RABGAP1L: variants seen among roughly 807,000 people sequenced by gnomAD.
RABGAP1L encodes RAB GTPase activating protein 1 like.
In RABGAP1L, 63 loss-of-function variants were observed where a neutral mutation model predicts 137.7. The ratio of observed to expected loss-of-function variants is 0.46; its 90% CI spans 0.37 to 0.56. RABGAP1L has a LOEUF of 0.56. Ranked by LOEUF, RABGAP1L falls within the 20% of genes least tolerant of loss-of-function variation. The pLI is 0.00. For synonymous variants in RABGAP1L, 431 were observed against 433.7 expected (o/e 0.99, Z 0.08); for missense variants, 1,095 against 1,244.0 (o/e 0.88, Z 1.80).
Position 174,714,976 on chromosome 1 carries a change from C to A in RABGAP1L, c.2169+12720C>A, listed in dbSNP as rs561285579. On this transcript the variant is annotated intron_variant, in intron 17 of 25. Transcript: ENST00000681986. ...CAAGACAAGCTATATATTAGCTTGGCATAGGAATTTAATTAGAGTGGAGCA... is the reference window on the plus strand; with the variant it reads ...CAAGACAAGCTATATATTAGCTTGGAATAGGAATTTAATTAGAGTGGAGCA... 2.5e-4 allele frequency among the ~76,000 whole-genome samples: 38 copies of A among 152,186 alleles called. 1 individual carries two copies. In the South Asian group the frequency reaches 7.9e-3, roughly 32 times the overall value.
chr1:174,958,487 AG>A (rs1162917531), intron 20 of RABGAP1L, among the ~76,000 whole-genome samples: 1 of 152,234 alleles, frequency 6.6e-6, no homozygotes, highest in African/African-American at 2.4e-5. Flanking sequence ...CTAAGATAAA[AG>A]AATACTGTAT....
At chr1:174,187,490 T>C (rs564587830) in intron 1 of RABGAP1L, among the ~76,000 whole-genome samples, 2 of 152,206 alleles carry the variant, frequency 1.3e-5, no homozygotes, top group East Asian at 3.9e-4. Context: ...GTGGGGGGCA[T>C]TACTTAGTAA....
At chr1:174,598,597 C>T (rs939168737) in intron 13 of RABGAP1L, among the ~76,000 whole-genome samples, 4 of 152,128 alleles carry the variant, frequency 2.6e-5, no homozygotes, top group Non-Finnish European at 5.9e-5. Context: ...AGTGTTGATG[C>T]ATATAAATTT....
At chr1:174,717,349 CAGTGAGCTATGAT>C (rs1681104448) in intron 17 of RABGAP1L, among the ~76,000 whole-genome samples, 1 of 152,112 alleles carries the variant, frequency 6.6e-6, no homozygotes, top group Non-Finnish European at 1.5e-5. Context: ...TTTGAGGCTA[CAGTGAGCTATGAT>C]AGCGCCACTG....
intron 14 of RABGAP1L, among the ~76,000 whole-genome samples, chr1:174,653,472 G>A (rs1675716604): frequency 6.6e-6 from 1 of 152,186 alleles, no homozygotes; most frequent in Non-Finnish European, 1.5e-5. Flanking sequence ...CATGGGAAAA[G>A]TGTCATATCT....
intron 13 of RABGAP1L, among the ~76,000 whole-genome samples, chr1:174,621,674 C>A (rs1672484343): frequency 6.6e-6 from 1 of 152,120 alleles, no homozygotes; most frequent in Non-Finnish European, 1.5e-5. Context: ...AACTGGATCC[C>A]TTCCTTACAC....
intron 19 of RABGAP1L, among the ~76,000 whole-genome samples, chr1:174,943,743 G>T (rs779780509): frequency 2.6e-5 from 4 of 151,982 alleles, no homozygotes; most frequent in Non-Finnish European, 4.4e-5. Context: ...TGAGACAGGA[G>T]AAACCCTTGA....
intron 19 of RABGAP1L, among the ~76,000 whole-genome samples, chr1:174,854,446 G>C (rs906876645): frequency 6.6e-6 from 1 of 152,038 alleles, no homozygotes; most frequent in African/African-American, 2.4e-5. Context: ...TTGTAAAGGT[G>C]AGATTATTCC....
At chr1:174,408,848 G>T (rs570464095) in intron 13 of RABGAP1L, among the ~76,000 whole-genome samples, 3 of 152,190 alleles carry the variant, frequency 2.0e-5, no homozygotes, top group African/African-American at 7.2e-5. Flanking sequence ...TTTGTTGGCT[G>T]CTTGTTTGTC....
At chr1:174,802,793 G>A (rs1347327174) in intron 18 of RABGAP1L, among the ~76,000 whole-genome samples, 2 of 152,186 alleles carry the variant, frequency 1.3e-5, no homozygotes, top group Non-Finnish European at 2.9e-5. Flanking sequence ...GTAAGTTACT[G>A]CTCAAAGTTT....
At chr1:174,674,235 C>A (rs1215543550) in intron 14 of RABGAP1L, among the ~76,000 whole-genome samples, 9 of 123,966 alleles carry the variant, frequency 7.3e-5, no homozygotes, top group African/African-American at 2.8e-4. Flanking sequence ...CTATCCTTCC[C>A]CCCTCCCCCC....
intron 7 of RABGAP1L, among the ~76,000 whole-genome samples, chr1:174,263,437 TTTAAA>T (rs1673773335): frequency 6.6e-6 from 1 of 152,214 alleles, no homozygotes; most frequent in Admixed American, 6.5e-5. Flanking sequence ...ATTTTCCCTG[TTTAAA>T]TTACTGTGTT....
rs1465126869 is a variant in RABGAP1L, at chr1:174,632,637, T to C, written c.1711-4738T>C. Reference sequence around the variant, plus strand: ...AAACTTCCCTTCTCGCTTCATTTCATTCATTTCATCTTCCATCACTGATAC... The same window carrying C: ...AAACTTCCCTTCTCGCTTCATTTCACTCATTTCATCTTCCATCACTGATAC... On this transcript the variant is annotated intron_variant, in intron 13 of 25. Coordinates refer to ENST00000681986, the MANE Select transcript of RABGAP1L (RefSeq NM_001366446.1). 3.3e-5 allele frequency among the ~76,000 whole-genome samples: 5 copies of C among 150,416 alleles called. No individual in the cohort carries two copies. The East Asian group carries it at 9.7e-4, about 29-fold the overall frequency.
chr1:174,324,171 T>A (rs1680247965), intron 11 of RABGAP1L, among the ~76,000 whole-genome samples: 2 of 152,154 alleles, frequency 1.3e-5, no homozygotes, highest in African/African-American at 4.8e-5. Context: ...ATATTCATTT[T>A]TTCTCATGGC....
At chr1:174,527,382 G>A (rs1047106544) in intron 13 of RABGAP1L, among the ~76,000 whole-genome samples, 1 of 151,586 alleles carries the variant, frequency 6.6e-6, no homozygotes, top group Admixed American at 6.6e-5. Context: ...TTTGTGTTTT[G>A]AGTAGGGACT....
chr1:174,621,855 G>T (rs1672508499), intron 13 of RABGAP1L, among the ~76,000 whole-genome samples: 1 of 152,148 alleles, frequency 6.6e-6, no homozygotes, highest in African/African-American at 2.4e-5. Context: ...TGACAAATGG[G>T]ATCTAATTAA....
At chr1:174,195,600 TCTTTCTTTCTTTCTTTCTTCCTTC>T (rs1417991828) in intron 1 of RABGAP1L, among the ~76,000 whole-genome samples, 32 of 72,736 alleles carry the variant, frequency 4.4e-4, no homozygotes, top group African/African-American at 2.0e-3. Flanking sequence ...TTTCTTTCTT[TCTTTCTTTCTTTCTTTCTTCCTTC>T]CTTCCTTCCT....
At chr1:174,684,464 C>A (rs58014193) in intron 15 of RABGAP1L, among the ~76,000 whole-genome samples, 5 of 152,108 alleles carry the variant, frequency 3.3e-5, no homozygotes, top group African/African-American at 4.8e-5. Flanking sequence ...AGCAATTGTA[C>A]ACGGGGAGTG....
chr1:174,920,097 T>C (rs1441806541), intron 19 of RABGAP1L, among the ~76,000 whole-genome samples: 1 of 152,248 alleles, frequency 6.6e-6, no homozygotes, highest in Non-Finnish European at 1.5e-5. Context: ...CAGGTCATAA[T>C]GCTAAGTGGC....
Sources: gnomAD v4.1 joint callset for allele counts (sites outside exome capture counted in the v4.1 genomes callset) on GRCh38, gnomAD v4.1.1 for gene constraint, MANE v1.5 for transcripts, NCBI Gene and HGNC (gene_info 2026-07-23, HGNC 2026-07-21) for gene names.